The following RNF169 variants were observed in gnomAD, a reference collection of about 807,000 sequenced individuals.
RNF169 encodes the protein E3 ubiquitin-protein ligase RNF169.
In RNF169, 24 loss-of-function variants were observed where a neutral mutation model predicts 53.9. The ratio of observed to expected loss-of-function variants is 0.45; its 90% confidence interval spans 0.32 to 0.63. The LOEUF (loss-of-function observed/expected upper bound fraction) is 0.63, where lower values mean the gene tolerates loss of function less well. RNF169 is among the 20% of genes least tolerant of loss of function. RNF169 has a pLI of 0.04. For missense variants in RNF169, 883 were observed against 906.2 expected (o/e 0.97, Z 0.33); for synonymous variants, 396 against 363.5 (o/e 1.09, Z -1.02).
At chr11:74,758,710 T>C (rs2035026201) in intron 1 of RNF169, among the ~76,000 whole-genome samples, 1 of 152,158 alleles carries the variant, frequency 6.6e-6, no homozygotes, top group African/African-American at 2.4e-5. Flanking sequence ...TTCACTGTTT[T>C]AGCGGGGATG....
chr11:74,812,015 A>G (rs1247613423), intron 3 of RNF169, among the ~76,000 whole-genome samples: 2 of 151,994 alleles, frequency 1.3e-5, no homozygotes, highest in East Asian at 1.9e-4. Flanking sequence ...ACCCTTAACT[A>G]TGGTCCTTTG....
chr11:74,832,644 TAAA>T (rs1229776526), intron 4 of RNF169: 1 of 152,188 alleles, frequency 6.6e-6, no homozygotes, highest in East Asian at 1.9e-4. Context: ...TATTGAAAGT[TAAA>T]AAAGTCTTTC....
intron 1 of RNF169, among the ~76,000 whole-genome samples, chr11:74,773,303 A>C (rs772199373): frequency 1.3e-5 from 2 of 152,210 alleles, no homozygotes; most frequent in African/African-American, 4.8e-5. Context: ...TCAACTAGTC[A>C]ATCTTTAACA....
At chr11:74,774,908 G>A (rs376935038) in intron 1 of RNF169, among the ~76,000 whole-genome samples, 9 of 152,114 alleles carry the variant, frequency 5.9e-5, no homozygotes, top group African/African-American at 1.2e-4. Context: ...GCAGTGAGCC[G>A]ACAGAGGGAG....
intron 4 of RNF169, among the ~76,000 whole-genome samples, chr11:74,820,403 T>G (rs2035993627): frequency 6.6e-6 from 1 of 151,702 alleles, no homozygotes; most frequent in Non-Finnish European, 1.5e-5. Context: ...TATCTAGAGG[T>G]GGCTTAAACC....
At chr11:74,780,110 C>T (rs1264081479) in intron 1 of RNF169, among the ~76,000 whole-genome samples, 2 of 152,216 alleles carry the variant, frequency 1.3e-5, no homozygotes, top group Non-Finnish European at 2.9e-5. Context: ...CCACCTCTTG[C>T]AGTACTTAGG....
chr11:74,822,309 C>G (rs978903993), intron 4 of RNF169, among the ~76,000 whole-genome samples: 1 of 152,184 alleles, frequency 6.6e-6, no homozygotes, highest in African/African-American at 2.4e-5. Flanking sequence ...ATTAAATCTT[C>G]TAGCTTTCCA....
At chr11:74,816,969 T>C (rs529019205) in intron 3 of RNF169, among the ~76,000 whole-genome samples, 8 of 152,206 alleles carry the variant, frequency 5.3e-5, no homozygotes, top group African/African-American at 1.9e-4. Context: ...CTGAAGAGAA[T>C]GAGACCAGTA....
intron 1 of RNF169, among the ~76,000 whole-genome samples, chr11:74,750,660 C>G (rs1211235022): frequency 8.4e-6 from 1 of 119,410 alleles, no homozygotes; most frequent in Non-Finnish European, 1.6e-5. Flanking sequence ...TGTAATGGTG[C>G]GATCTCCACT....
At chr11:74,803,286 C>T (rs957028178) in intron 2 of RNF169, among the ~76,000 whole-genome samples, 11 of 152,002 alleles carry the variant, frequency 7.2e-5, no homozygotes, top group South Asian at 2.1e-4. Context: ...GGGGTTTCAC[C>T]GTGTTAGCCA....
At chr11:74,816,948 G>T (rs1216930942) in intron 3 of RNF169, among the ~76,000 whole-genome samples, 1 of 152,184 alleles carries the variant, frequency 6.6e-6, no homozygotes, top group Non-Finnish European at 1.5e-5. Context: ...TATTATTAGA[G>T]AGAAGAAAGC....
At position 74,836,185 on chromosome 11, in the gene RNF169, A is replaced by T. The variant is rs533667440; in HGVS notation, c.1582A>T (p.Thr528Ser). The change falls in exon 6 of 6, where the codon ACC becomes TCC. Residue 528 changes from threonine (T) to serine (S), a missense_variant. Coordinates refer to ENST00000299563, the MANE Select transcript of RNF169 (RefSeq NM_001098638.2). ...AAGTAGCACTGAGATCCCACTGGAA[A>T]CCTGCTGTTCCTCAGAACTCAAAGG... The part of the protein sequence containing the change: ...NKSSTEIPLE[T>S]CCSSELKGGG... 102 of 1,614,218 alleles carry T rather than the reference A, an allele frequency of 6.3e-5. 1 individual carries two copies. In the South Asian group the frequency reaches 1.0e-3, roughly 16 times the overall value.
At chr11:74,830,301 A>G (rs1272737056) in intron 4 of RNF169, among the ~76,000 whole-genome samples, 1 of 152,168 alleles carries the variant, frequency 6.6e-6, no homozygotes, top group Non-Finnish European at 1.5e-5. Context: ...AGAAAAAAAG[A>G]GAAGACTCAA....
intron 2 of RNF169, among the ~76,000 whole-genome samples, chr11:74,795,515 CAT>C (rs1454231096): frequency 2.0e-5 from 3 of 152,184 alleles, no homozygotes; most frequent in Admixed American, 6.5e-5. Flanking sequence ...CACCCACAAA[CAT>C]ATGTGGGCAA....
chr11:74,761,564 C>G (rs1336081925), intron 1 of RNF169, among the ~76,000 whole-genome samples: 1 of 151,900 alleles, frequency 6.6e-6, no homozygotes, highest in East Asian at 1.9e-4. Flanking sequence ...TTCTCCTTCA[C>G]TTATGAAGCT....
chr11:74,809,457 C>G (rs2035846076), intron 2 of RNF169, among the ~76,000 whole-genome samples: 1 of 152,176 alleles, frequency 6.6e-6, no homozygotes. Context: ...GGTTTTCATT[C>G]CAAAGCCCAT....
chr11:74,760,346 C>T (rs967332243), intron 1 of RNF169, among the ~76,000 whole-genome samples: 1 of 152,004 alleles, frequency 6.6e-6, no homozygotes, highest in African/African-American at 2.4e-5. Context: ...TTCTTGCCTT[C>T]TGCTAGCTTT....
chr11:74,815,687 G>A (rs2035933980), intron 3 of RNF169, among the ~76,000 whole-genome samples: 1 of 152,290 alleles, frequency 6.6e-6, no homozygotes, highest in Non-Finnish European at 1.5e-5. Flanking sequence ...ATGTACGCTA[G>A]GTATTTTTAA....
intron 1 of RNF169, among the ~76,000 whole-genome samples, chr11:74,769,788 T>A (rs751407211): frequency 6.6e-6 from 1 of 152,182 alleles, no homozygotes; most frequent in African/African-American, 2.4e-5. Flanking sequence ...AATCAGCCAA[T>A]GTAGACTCTA....
Sources: allele counts gnomAD v4.1 joint callset (sites outside exome capture counted in the v4.1 genomes callset), GRCh38; gene constraint gnomAD v4.1.1; transcripts MANE v1.5; gene names NCBI Gene and HGNC (gene_info 2026-07-23, HGNC 2026-07-21).